The following PPARGC1A variants were observed in gnomAD, a reference collection of about 807,000 sequenced individuals.
PPARGC1A encodes the protein PPARG coactivator 1 alpha, also known as peroxisome proliferator-activated receptor gamma coactivator 1-alpha.
PPARGC1A carries 25 observed loss-of-function variants against 88.7 expected under a neutral mutation model. The observed-to-expected ratio is 0.28, with a 90% CI of 0.21 to 0.39. The LOEUF (loss-of-function observed/expected upper bound fraction) is 0.39, where lower values mean the gene tolerates loss of function less well. PPARGC1A is among the 10% of genes least tolerant of loss of function. The pLI is 1.00. For synonymous variants in PPARGC1A, 363 were observed against 355.6 expected (o/e 1.02, Z -0.24); for missense variants, 880 against 968.7 (o/e 0.91, Z 1.22).
chr4:24,452,708 G>A, the PPARGC1A span, among the ~76,000 whole-genome samples: 1 of 152,060 alleles, frequency 6.6e-6, no homozygotes, highest in Non-Finnish European at 1.5e-5. Context: ...TCCATGTGCT[G>A]GAAACACAAG....
the PPARGC1A span, among the ~76,000 whole-genome samples, chr4:24,239,867 G>A: frequency 6.6e-6 from 1 of 152,108 alleles, no homozygotes; most frequent in African/African-American, 2.4e-5. Flanking sequence ...GAACGGGTGG[G>A]TTTGTGTTGG....
At chr4:24,067,869 C>T in the PPARGC1A span, among the ~76,000 whole-genome samples, 1 of 152,210 alleles carries the variant, frequency 6.6e-6, no homozygotes, top group South Asian at 2.1e-4. Flanking sequence ...GCCATGCTTT[C>T]CCCACTGCCA....
chr4:24,388,347 T>C, the PPARGC1A span, among the ~76,000 whole-genome samples: 10 of 152,152 alleles, frequency 6.6e-5, no homozygotes, highest in Admixed American at 6.5e-4. Flanking sequence ...TGTGGAGTAA[T>C]AGGAACACTT....
At chr4:23,907,798 G>A (rs148273321), upstream of PPARGC1A, among the ~76,000 whole-genome samples, 14 of 151,936 alleles carry the variant, frequency 9.2e-5, no homozygotes, top group African/African-American at 3.1e-4. Context: ...CCTTACTTGG[G>A]GCATTTTAAA....
chr4:24,086,468 C>T, the PPARGC1A span, among the ~76,000 whole-genome samples: 1 of 152,294 alleles, frequency 6.6e-6, no homozygotes, highest in East Asian at 1.9e-4. Context: ...AGTTCTTTGG[C>T]TTAACTCCTT....
the PPARGC1A span, among the ~76,000 whole-genome samples, chr4:24,448,662 C>T: frequency 2.0e-5 from 3 of 152,112 alleles, no homozygotes; most frequent in Non-Finnish European, 2.9e-5. Context: ...AGTTGCTTCC[C>T]ACCTGGCCTC....
the PPARGC1A span, among the ~76,000 whole-genome samples, chr4:24,462,021 A>T: frequency 6.6e-6 from 1 of 152,168 alleles, no homozygotes; most frequent in Non-Finnish European, 1.5e-5. Flanking sequence ...ACACACATTC[A>T]TGTTGAAGGC....
At chr4:23,914,077 G>A in the PPARGC1A span, among the ~76,000 whole-genome samples, 1 of 152,090 alleles carries the variant, frequency 6.6e-6, no homozygotes, top group African/African-American at 2.4e-5. Context: ...CTTCTGGGAG[G>A]GATTCATCCT....
the PPARGC1A span, among the ~76,000 whole-genome samples, chr4:24,292,592 A>G: frequency 4.0e-5 from 1 of 24,820 alleles, no homozygotes; most frequent in African/African-American, 1.7e-4. Flanking sequence ...TCCTGTGCTC[A>G]TCCCTACCCC....
At chr4:24,372,479 G>A in the PPARGC1A span, among the ~76,000 whole-genome samples, 1 of 152,146 alleles carries the variant, frequency 6.6e-6, no homozygotes, top group Non-Finnish European at 1.5e-5. Flanking sequence ...AGCCCTGACA[G>A]TCTTTGAGTC....
chr4:24,086,203 C>A, the PPARGC1A span, among the ~76,000 whole-genome samples: 1 of 152,148 alleles, frequency 6.6e-6, no homozygotes, highest in Admixed American at 6.5e-5. Flanking sequence ...ACCTCAGTTT[C>A]TCTTCCAACA....
upstream of PPARGC1A, among the ~76,000 whole-genome samples, chr4:23,903,441 C>G (rs114829080): frequency 6.7e-3 from 1,027 of 152,234 alleles, 5 homozygotes; most frequent in African/African-American, 0.023. Flanking sequence ...TAATAGCAAG[C>G]CTTCTGCAAT....
At chr4:24,086,424 A>T in the PPARGC1A span, among the ~76,000 whole-genome samples, 1 of 152,182 alleles carries the variant, frequency 6.6e-6, no homozygotes, top group Non-Finnish European at 1.5e-5. Context: ...CCTATGTCTG[A>T]CATAGGCTCT....
the PPARGC1A span, among the ~76,000 whole-genome samples, chr4:23,991,439 G>A: frequency 0.16 from 24,900 of 151,894 alleles, 2,162 homozygotes; most frequent in East Asian, 0.26. Context: ...CACAATCTCT[G>A]CTTGAAGGGA....
the PPARGC1A span, among the ~76,000 whole-genome samples, chr4:24,280,465 G>A: frequency 1.3e-5 from 2 of 152,126 alleles, no homozygotes; most frequent in African/African-American, 4.8e-5. Flanking sequence ...TCTCTTGGAA[G>A]CTCTTTTCCT....
chr4:24,140,154 A>G, the PPARGC1A span, among the ~76,000 whole-genome samples: 39 of 152,256 alleles, frequency 2.6e-4, no homozygotes, highest in Admixed American at 6.5e-4. Context: ...GCTAGGCCAC[A>G]AGGGCATGGG....
chr4:24,405,407 T>C, the PPARGC1A span, among the ~76,000 whole-genome samples: 1 of 152,206 alleles, frequency 6.6e-6, no homozygotes, highest in Non-Finnish European at 1.5e-5. Context: ...TTATGCAAAT[T>C]TGATTTCCCT....
chr4:24,263,456 TAC>T, the PPARGC1A span, among the ~76,000 whole-genome samples: 1,100 of 150,172 alleles, frequency 7.3e-3, 55 homozygotes, highest in East Asian at 0.14. Flanking sequence ...TGTGGGTGTA[TAC>T]ACACACACAC....
At chr4:24,069,723 G>T in the PPARGC1A span, among the ~76,000 whole-genome samples, 3 of 152,324 alleles carry the variant, frequency 2.0e-5, no homozygotes, top group Admixed American at 1.3e-4. Flanking sequence ...AATACATGTT[G>T]CAAAGGAAAT....
Sources: gnomAD v4.1 joint callset for allele counts (sites outside exome capture counted in the v4.1 genomes callset) on GRCh38, gnomAD v4.1.1 for gene constraint, MANE v1.5 for transcripts, NCBI Gene and HGNC (gene_info 2026-07-23, HGNC 2026-07-21) for gene names.